The following RALGAPA1 variants were observed in gnomAD, a reference collection of about 807,000 sequenced individuals.
The protein encoded by RALGAPA1 is ral GTPase-activating protein subunit alpha-1.
In RALGAPA1, 52 loss-of-function variants were observed where a neutral mutation model predicts 269.6. The observed-to-expected ratio is 0.19, with a 90% CI of 0.15 to 0.24. The LOEUF (loss-of-function observed/expected upper bound fraction) is 0.24. Ranked by LOEUF, RALGAPA1 falls within the 10% of genes least tolerant of loss-of-function variation. RALGAPA1 has a pLI of 1.00. For synonymous variants in RALGAPA1, 817 were observed against 1,008.3 expected (o/e 0.81, Z 3.60); for missense variants, 1,917 against 3,013.9 (o/e 0.64, Z 8.52).
chr14:35,712,922 A>C (rs558510779), intron 16 of RALGAPA1, among the ~76,000 whole-genome samples: 1 of 152,230 alleles, frequency 6.6e-6, no homozygotes, highest in Non-Finnish European at 1.5e-5. Context: ...TTAATAAATG[A>C]AGTCTAGTAA....
In RALGAPA1 at chr14:35,577,417, G is replaced by A. The variant is rs1011652539; in HGVS notation, c.7210-4699C>T. Among the ~76,000 whole-genome samples, 3 of 152,076 alleles carry A rather than the reference G, an allele frequency of 2.0e-5. No individual in the cohort carries two copies. The South Asian group carries it at 6.2e-4, about 32-fold the overall frequency. On this transcript the variant is annotated intron_variant, in intron 37 of 41. Transcript: ENST00000680220. ...AAAAGAGACCCCAGAGAGCTTACTT[G>A]ACTCTTCTGCTATTATATATAAGGT...
At chr14:35,549,292 T>C (rs761848345) in intron 39 of RALGAPA1, 58 bp from the exon 40 acceptor site, 151 of 1,558,340 alleles carry the variant, frequency 9.7e-5, no homozygotes, top group Non-Finnish European at 1.3e-4. Context: ...AAAAAAATCT[T>C]ATCAAAAAGG....
At chr14:35,775,542 T>TAA in intron 2 of RALGAPA1, 93 bp downstream of exon 2, 1 of 1,430,464 alleles carries the variant, frequency 7.0e-7, no homozygotes, top group Non-Finnish European at 9.2e-7. Context: ...CCGACAAAAA[T>TAA]AAGTGAAACA....
intron 37 of RALGAPA1, among the ~76,000 whole-genome samples, chr14:35,576,297 T>C (rs1355369225): frequency 1.3e-5 from 2 of 152,222 alleles, no homozygotes; most frequent in Non-Finnish European, 2.9e-5. Context: ...CAAATGGAAC[T>C]TGTAGTCAGT....
At chr14:35,776,017 G>C (rs944448796) in intron 1 of RALGAPA1, among the ~76,000 whole-genome samples, 1 of 152,140 alleles carries the variant, frequency 6.6e-6, no homozygotes, top group Admixed American at 6.6e-5. Flanking sequence ...AAGAAGTTAA[G>C]TTCTATTTTC....
rs1473701132 is a variant in RALGAPA1 at position 35,760,825 on chromosome 14, T to G, written c.547+4A>C. ...ACTGACGGATAACATCCCATGAATCTTACTTTCTTGAAGGTTGAGTGGAGG... is the reference window on the plus strand; with the variant it reads ...ACTGACGGATAACATCCCATGAATCGTACTTTCTTGAAGGTTGAGTGGAGG... On this transcript the variant is annotated splice_donor_region_variant and intron_variant, in intron 6 of 41. Coordinates refer to ENST00000680220, the MANE Select transcript of RALGAPA1 (RefSeq NM_001346249.2). The G allele has an allele frequency of 1.9e-6, 3 of 1,607,964 alleles. No homozygotes were observed. The highest frequency in any genetic ancestry group is 1.7e-6 in the Non-Finnish European group (2 of 1,176,412).
intron 35 of RALGAPA1, among the ~76,000 whole-genome samples, chr14:35,605,973 G>C (rs1180296425): frequency 6.6e-6 from 1 of 152,192 alleles, no homozygotes; most frequent in Non-Finnish European, 1.5e-5. Context: ...ATGAAGGTAA[G>C]AAAGATTTGA....
intron 3 of RALGAPA1, among the ~76,000 whole-genome samples, chr14:35,772,109 G>A (rs1181359617): frequency 6.6e-6 from 1 of 152,098 alleles, no homozygotes; most frequent in African/African-American, 2.4e-5. Context: ...TGGCTGGAGT[G>A]CAGTGGTGTA....
At chr14:35,784,129 CA>C (rs547204394) in intron 1 of RALGAPA1, among the ~76,000 whole-genome samples, 51 of 139,154 alleles carry the variant, frequency 3.7e-4, no homozygotes, top group Admixed American at 3.6e-4. Flanking sequence ...TCATCTCTAT[CA>C]AAAAAAAAAA....
In RALGAPA1 at chr14:35,756,831, A is replaced by G; in HGVS notation, c.625T>C (p.Tyr209His). 6.2e-7 allele frequency: 1 copy of G among 1,610,742 alleles called. No individual in the cohort carries two copies. Among genetic ancestry groups the G allele is most frequent in the Non-Finnish European group, 8.5e-7 (1 of 1,178,738 alleles). ...TATTTTAGAAGTGCTTCAAGAAAAT[A>G]GCTTGTGAGATCTTCTTGCCCTTTA... ...GDKGQEDLTS[Y>H]FLEALLKYIV... Residue 209 changes from tyrosine (Y) to histidine (H), a missense_variant, in exon 7 of 42, where the codon TAT becomes CAT. Transcript: ENST00000680220.
At chr14:35,700,994 A>T (rs915348384) in intron 16 of RALGAPA1, among the ~76,000 whole-genome samples, 1 of 152,196 alleles carries the variant, frequency 6.6e-6, no homozygotes, top group Non-Finnish European at 1.5e-5. Flanking sequence ...TGACAAAAAT[A>T]GATAATTTTG....
intron 37 of RALGAPA1, among the ~76,000 whole-genome samples, chr14:35,576,922 A>G (rs1055533408): frequency 6.6e-6 from 1 of 152,218 alleles, no homozygotes; most frequent in Admixed American, 6.5e-5. Flanking sequence ...ACTCATGAAT[A>G]TACTTATCAA....
intron 1 of RALGAPA1, among the ~76,000 whole-genome samples, chr14:35,791,894 G>C (rs1326722690): frequency 9.9e-6 from 1 of 100,922 alleles, no homozygotes; most frequent in African/African-American, 4.1e-5. Flanking sequence ...GACAGAGCGA[G>C]ACTCTGTCTC....
intron 6 of RALGAPA1, among the ~76,000 whole-genome samples, chr14:35,758,093 T>C (rs921730954): frequency 1.3e-5 from 2 of 151,550 alleles, no homozygotes; most frequent in African/African-American, 4.8e-5. Context: ...CTACTAAAAA[T>C]ACAAAAAATT....
At position 35,740,066 on chromosome 14, in the gene RALGAPA1, G is replaced by A. The variant is rs182193629; in HGVS notation, c.1450-1416C>T. Among the ~76,000 whole-genome samples, 58 of 152,250 alleles carry A rather than the reference G, an allele frequency of 3.8e-4. 2 individuals carry two copies. The East Asian group carries it at 9.1e-3, about 24-fold the overall frequency. On this transcript the variant is annotated intron_variant, in intron 11 of 41. Transcript: ENST00000680220. ...CATTTGCAGGTGCTATTCACACGGT[G>A]TGTTACCTTTCCCATTTGTCTACCT...
intron 39 of RALGAPA1, among the ~76,000 whole-genome samples, chr14:35,569,260 T>TTAA (rs1396272515): frequency 2.0e-5 from 3 of 152,152 alleles, no homozygotes; most frequent in Non-Finnish European, 4.4e-5. Flanking sequence ...AAAACTTTCC[T>TTAA]TTAAAGCTTA....
rs200497444 is a variant in RALGAPA1, at chr14:35,625,454, C to T, written c.6858-22G>A. ...CCTCCTAAATAGAGAGATTTATAAA[C>T]ATTTTCATCACCTTTGCAGTGAATG... On this transcript the variant is annotated intron_variant, in intron 34 of 41. Transcript: ENST00000680220. The T allele has an allele frequency of 3.3e-6, 5 of 1,536,402 alleles. No homozygotes were observed. The East Asian group carries it at 9.1e-5, about 28-fold the overall frequency.
At chr14:35,543,013 T>C in intron 41 of RALGAPA1, among the ~76,000 whole-genome samples, 1 of 152,242 alleles carries the variant, frequency 6.6e-6, no homozygotes, top group East Asian at 1.9e-4. Flanking sequence ...TGGGCAGATA[T>C]AGCCCTATAA....
At position 35,689,788 on chromosome 14, in the gene RALGAPA1, G is replaced by A; in HGVS notation, c.2623C>T (p.Gln875Ter). ...ATTGAAGAAGCCTCTGTGGAACTCTGCAAGCTTGGTGCATGACGGGATGAA... is the reference window on the plus strand; with the variant it reads ...ATTGAAGAAGCCTCTGTGGAACTCTACAAGCTTGGTGCATGACGGGATGAA... ...DSSSRHAPSL[Q>*]SSTEASSITR... The change falls in exon 18 of 42, where the codon CAG becomes TAG. Residue 875 changes from glutamine to a stop codon, truncating the protein, a stop_gained. Coordinates refer to ENST00000680220, the MANE Select transcript of RALGAPA1 (RefSeq NM_001346249.2). LOFTEE classifies it high-confidence loss of function. 1 of 1,545,462 alleles carries A rather than the reference G, an allele frequency of 6.5e-7. No individual in the cohort carries two copies. The highest frequency in any genetic ancestry group is 1.2e-5 in the South Asian group (1 of 81,328).
Sources: gnomAD v4.1 joint callset for allele counts (sites outside exome capture counted in the v4.1 genomes callset) on GRCh38, gnomAD v4.1.1 for gene constraint, MANE v1.5 for transcripts, NCBI Gene and HGNC (gene_info 2026-07-23, HGNC 2026-07-21) for gene names.